Variants in STK3 observed in about 807,000 individuals in gnomAD.
The protein encoded by STK3 is serine/threonine kinase 3, also known as serine/threonine-protein kinase 3.
In STK3, 41 loss-of-function variants were observed where a neutral mutation model predicts 58.0. The ratio of observed to expected loss-of-function variants is 0.71; its 90% CI spans 0.55 to 0.92. The LOEUF (loss-of-function observed/expected upper bound fraction) is 0.92, where lower values mean the gene tolerates loss of function less well. Among genes scored for constraint, STK3 ranks in the 40% least tolerant of loss-of-function variants. The pLI, the probability that STK3 is intolerant of heterozygous loss-of-function variation, is 0.00. For missense variants in STK3, 479 were observed against 602.7 expected (o/e 0.79, Z 2.15); for synonymous variants, 170 against 191.0 (o/e 0.89, Z 0.91).
intron 6 of STK3, among the ~76,000 whole-genome samples, chr8:98,607,675 C>A (rs566952518): frequency 2.6e-5 from 4 of 152,192 alleles, no homozygotes; most frequent in Non-Finnish European, 5.9e-5. Context: ...TGAACTACAG[C>A]TTTTTTCATG....
intron 3 of STK3, among the ~76,000 whole-genome samples, chr8:98,843,832 C>T (rs949269578): frequency 2.0e-5 from 3 of 152,156 alleles, no homozygotes; most frequent in African/African-American, 7.2e-5. Context: ...GCCTGGCCAA[C>T]ATGGCAAAAC....
chr8:98,698,378 T>C (rs1165481185), intron 6 of STK3, among the ~76,000 whole-genome samples: 2 of 152,072 alleles, frequency 1.3e-5, no homozygotes, highest in Non-Finnish European at 2.9e-5. Context: ...AAGTTAATAT[T>C]GTTATGTGTG....
At chr8:98,616,854 T>A (rs1264759514) in intron 6 of STK3, among the ~76,000 whole-genome samples, 5 of 149,266 alleles carry the variant, frequency 3.3e-5, no homozygotes, top group Admixed American at 6.7e-5. Flanking sequence ...CTCCCACACA[T>A]TAATAATGGG....
intron 4 of STK3, among the ~76,000 whole-genome samples, chr8:98,743,053 A>T (rs1335238810): frequency 2.0e-5 from 3 of 152,010 alleles, no homozygotes; most frequent in Non-Finnish European, 4.4e-5. Flanking sequence ...AAGGAGAACT[A>T]CAAACCACTG....
chr8:98,554,731 G>A (rs1196012247), intron 8 of STK3, among the ~76,000 whole-genome samples: 1 of 152,064 alleles, frequency 6.6e-6, no homozygotes, highest in African/African-American at 2.4e-5. Context: ...CTAGTTAAAC[G>A]AAATTAGAAA....
chr8:98,421,800 T>A (rs1818177444), intron 3 of STK3, among the ~76,000 whole-genome samples: 1 of 151,904 alleles, frequency 6.6e-6, no homozygotes, highest in African/African-American at 2.4e-5. Flanking sequence ...AAATAAAAAA[T>A]TAATTATTCC....
intron 7 of STK3, among the ~76,000 whole-genome samples, chr8:98,594,145 A>C (rs1241199427): frequency 6.6e-6 from 1 of 152,114 alleles, no homozygotes; most frequent in Non-Finnish European, 1.5e-5. Context: ...TGTCTCTACG[A>C]AACAGACAAA....
intron 6 of STK3, among the ~76,000 whole-genome samples, chr8:98,692,496 T>C (rs776720327): frequency 1.3e-5 from 2 of 152,168 alleles, no homozygotes; most frequent in Non-Finnish European, 1.5e-5. Flanking sequence ...ATTCTACTTA[T>C]ATGAAATATT....
chr8:98,885,020 A>G (rs550897799), intron 1 of STK3, among the ~76,000 whole-genome samples: 5 of 152,378 alleles, frequency 3.3e-5, no homozygotes, highest in African/African-American at 9.6e-5. Flanking sequence ...TGTAAAACAG[A>G]TGAAATAAAT....
At chr8:98,745,225 G>A (rs1221372641) in intron 4 of STK3, among the ~76,000 whole-genome samples, 3 of 152,082 alleles carry the variant, frequency 2.0e-5, no homozygotes, top group Non-Finnish European at 4.4e-5. Flanking sequence ...GGTGGATGTG[G>A]GAATACACCA....
At chr8:98,585,230 T>A (rs1341128572) in intron 7 of STK3, among the ~76,000 whole-genome samples, 6 of 151,868 alleles carry the variant, frequency 4.0e-5, no homozygotes, top group Admixed American at 2.0e-4. Flanking sequence ...TGGTTTTAGG[T>A]CTAACGTTTA....
chr8:98,795,621 A>C (rs946030750), intron 1 of STK3, among the ~76,000 whole-genome samples: 2 of 152,164 alleles, frequency 1.3e-5, no homozygotes, highest in African/African-American at 4.8e-5. Flanking sequence ...CACGGAAAAT[A>C]TGGTTCTATA....
At chr8:98,371,735 T>C (rs1040760392) in intron 2 of STK3, 1 of 152,206 alleles carries the variant, frequency 6.6e-6, no homozygotes, top group African/African-American at 2.4e-5. Flanking sequence ...TTTTAACTTG[T>C]CTAAGGGCCA....
chr8:98,503,647 A>C (rs1823808088), intron 10 of STK3, among the ~76,000 whole-genome samples: 1 of 151,958 alleles, frequency 6.6e-6, no homozygotes, highest in African/African-American at 2.4e-5. Flanking sequence ...TTCTGCCTTC[A>C]TTTCGTTATG....
At chr8:98,681,981 T>C (rs1181341340) in intron 6 of STK3, among the ~76,000 whole-genome samples, 2 of 152,250 alleles carry the variant, frequency 1.3e-5, no homozygotes, top group Non-Finnish European at 2.9e-5. Flanking sequence ...GTGCACATGA[T>C]AATTTCAACA....
chr8:98,373,045 G>A lies in STK3; in HGVS notation n.112-1367C>T, dbSNP rs182347087. Among the ~76,000 whole-genome samples the A allele has an allele frequency of 2.7e-3, 414 of 152,272 alleles. 2 individuals are homozygous for A. Among genetic ancestry groups the A allele is most frequent in the African/African-American group, 9.3e-3 (388 of 41,570 alleles). On this transcript the variant is annotated intron_variant and non_coding_transcript_variant, in intron 2 of 2. Transcript: ENST00000518704. ...GAATTTCACCATGAATTAAAGCACT[G>A]TAGGAGGGGAAAGACAGAGAGAGTC... is the stretch of plus-strand genomic sequence containing the variant.
At chr8:98,543,062 G>A (rs560416783) in intron 9 of STK3, among the ~76,000 whole-genome samples, 2 of 152,200 alleles carry the variant, frequency 1.3e-5, no homozygotes, top group Non-Finnish European at 2.9e-5. Context: ...GGTGAGATGG[G>A]AGCCTATTAG....
intron 10 of STK3, among the ~76,000 whole-genome samples, chr8:98,497,926 TCTC>T (rs1350032450): frequency 6.6e-6 from 1 of 152,108 alleles, no homozygotes; most frequent in Non-Finnish European, 1.5e-5. Flanking sequence ...CAGCAATTCT[TCTC>T]CTAGGTATAC....
chr8:98,713,945 A>C lies in STK3; in HGVS notation c.352-6634T>G, dbSNP rs990099473. On this transcript the variant is annotated intron_variant, in intron 4 of 10. Coordinates refer to ENST00000419617, the MANE Select transcript of STK3 (RefSeq NM_006281.4). ...AGCTTATCCACCATGATCAAGTTGG[A>C]TTCATCCCTGGGATGCAAGGCTGGT... 1.3e-5 allele frequency among the ~76,000 whole-genome samples: 2 copies of C among 152,292 alleles called. 1 individual carries two copies. The highest frequency in any genetic ancestry group is 4.8e-5 in the African/African-American group (2 of 41,568).
Sources: allele counts gnomAD v4.1 joint callset (sites outside exome capture counted in the v4.1 genomes callset), GRCh38; gene constraint gnomAD v4.1.1; transcripts MANE v1.5; gene names NCBI Gene and HGNC (gene_info 2026-07-23, HGNC 2026-07-21).